The following NLN variants were observed in gnomAD, a reference collection of about 807,000 sequenced individuals.
NLN encodes the protein neurolysin.
A neutral mutation model predicts 79.9 loss-of-function variants in NLN; 64 were observed. The observed-to-expected ratio is 0.80, with a 90% CI of 0.65 to 0.99. NLN has a LOEUF of 0.99. NLN is among the 50% of genes least tolerant of loss of function. NLN has a pLI of 0.00. For missense variants in NLN, 835 were observed against 858.7 expected (o/e 0.97, Z 0.34); for synonymous variants, 267 against 296.6 (o/e 0.90, Z 1.02).
intron 3 of NLN, 105 bp downstream of exon 3, chr5:65,763,213 T>A: frequency 1.0e-6 from 1 of 955,942 alleles, no homozygotes; most frequent in Non-Finnish European, 1.6e-6. Flanking sequence ...AGCTTTTGTT[T>A]CGAATGATTA....
chr5:65,781,801 C>T (rs563961812), intron 6 of NLN, among the ~76,000 whole-genome samples: 5 of 152,288 alleles, frequency 3.3e-5, no homozygotes, highest in Non-Finnish European at 5.9e-5. Flanking sequence ...ATCCAAGTAA[C>T]CATGAGGACC....
At chr5:65,756,566 C>T (rs967061966) in intron 1 of NLN, among the ~76,000 whole-genome samples, 1 of 152,172 alleles carries the variant, frequency 6.6e-6, no homozygotes, top group Non-Finnish European at 1.5e-5. Context: ...TTCTCTAAAA[C>T]ACAAATCTGT....
chr5:65,746,989 G>A (rs1758995091), intron 1 of NLN, among the ~76,000 whole-genome samples: 1 of 150,470 alleles, frequency 6.6e-6, no homozygotes, highest in East Asian at 1.9e-4. Context: ...GGGTGACTGA[G>A]CGAGATTCTG....
At chr5:65,779,058 G>A (rs1174456554) in intron 4 of NLN, among the ~76,000 whole-genome samples, 1 of 152,174 alleles carries the variant, frequency 6.6e-6, no homozygotes, top group Non-Finnish European at 1.5e-5. Flanking sequence ...GCAAAGTGGG[G>A]CAGAGGTAGA....
chr5:65,727,207 C>A (rs1328564859), intron 1 of NLN, among the ~76,000 whole-genome samples: 1 of 152,178 alleles, frequency 6.6e-6, no homozygotes, highest in Non-Finnish European at 1.5e-5. Context: ...ACTCTGTCAT[C>A]CAGGCTGAAG....
chr5:65,782,263 T>A (rs1579946646), intron 6 of NLN, among the ~76,000 whole-genome samples: 1 of 152,202 alleles, frequency 6.6e-6, no homozygotes, highest in South Asian at 2.1e-4. Context: ...GATGACCATA[T>A]CTTGGGGGAC....
rs1423753841 is a variant in NLN at position 65,809,515 on chromosome 5, A to G, written c.1528A>G (p.Thr510Ala). 3 of 1,589,622 alleles carry G rather than the reference A, an allele frequency of 1.9e-6. No individual in the cohort carries two copies. Residue 510 changes from threonine (T) to alanine (A), a missense_variant and splice_region_variant, in exon 10 of 13, where the codon ACT (threonine) becomes GCT (alanine). Physicochemically the swap from Thr to Ala is moderately conservative, Grantham distance 58. Coordinates refer to ENST00000380985, the MANE Select transcript of NLN (RefSeq NM_020726.5). ...GHVMHQICAQ[T>A]DFARFSGTNV... is the part of the protein sequence containing the mutation. ...AAAATTCTCTGTGTTTGCTTTCTAG[A>G]CTGATTTTGCACGATTTAGCGGAAC...
chr5:65,812,190 G>A (rs1314871836), intron 11 of NLN, 65 bp from the exon 12 acceptor site: 4 of 1,416,022 alleles, frequency 2.8e-6, no homozygotes, highest in South Asian at 1.2e-5. Context: ...GGAAACCTTA[G>A]CTAGCTGTTA....
chr5:65,805,453 A>G (rs1440055638), intron 9 of NLN, among the ~76,000 whole-genome samples: 1 of 152,252 alleles, frequency 6.6e-6, no homozygotes, highest in Non-Finnish European at 1.5e-5. Flanking sequence ...AAAGCAAAAT[A>G]GACTTGTTGC....
intron 12 of NLN, among the ~76,000 whole-genome samples, chr5:65,814,767 G>C (rs936524300): frequency 3.3e-5 from 5 of 151,548 alleles, no homozygotes; most frequent in Non-Finnish European, 7.4e-5. Context: ...AAAGAAAAAA[G>C]ACAAAAAAAA....
intron 9 of NLN, among the ~76,000 whole-genome samples, chr5:65,806,675 G>A (rs187890466): frequency 2.0e-4 from 30 of 152,294 alleles, no homozygotes; most frequent in East Asian, 1.5e-3. Context: ...TATGAATATC[G>A]TTGAAATGAC....
At chr5:65,777,958 C>T (rs1179209739) in intron 4 of NLN, among the ~76,000 whole-genome samples, 2 of 152,176 alleles carry the variant, frequency 1.3e-5, no homozygotes, top group Admixed American at 1.3e-4. Context: ...TAAAATTGTT[C>T]TTTAACCTTG....
At chr5:65,751,472 G>T (rs1461786308) in intron 1 of NLN, among the ~76,000 whole-genome samples, 3 of 152,174 alleles carry the variant, frequency 2.0e-5, no homozygotes, top group African/African-American at 7.2e-5. Context: ...GGTTTGTGAT[G>T]AAAGAAATGT....
At chr5:65,784,613 G>T (rs924949437) in intron 6 of NLN, among the ~76,000 whole-genome samples, 27 of 152,148 alleles carry the variant, frequency 1.8e-4, no homozygotes, top group Non-Finnish European at 2.5e-4. Context: ...TAATTCATTG[G>T]TCAATTCCCA....
In NLN at chr5:65,822,817, G is replaced by GGGGGATCTCTGGACGGCAT; in HGVS notation, c.2020_2038dup (p.Asp680GlyfsTer16). The GGGGGATCTCTGGACGGCAT allele has an allele frequency of 6.2e-7, 1 of 1,611,094 alleles. No individual in the cohort carries two copies. Among genetic ancestry groups the GGGGGATCTCTGGACGGCAT allele is most frequent in the Non-Finnish European group, 8.5e-7 (1 of 1,177,238 alleles). On this transcript the variant is annotated frameshift_variant, in exon 13 of 13. Transcript: ENST00000380985. LOFTEE classifies it high-confidence loss of function. ...ATACAGAAACCTAATCCTGAAACCT[G>GGGGGATCTCTGGACGGCAT]GGGGATCTCTGGACGGCATGGACAT...
At chr5:65,726,302 C>A (rs1371249249) in intron 1 of NLN, among the ~76,000 whole-genome samples, 1 of 152,102 alleles carries the variant, frequency 6.6e-6, no homozygotes, top group Non-Finnish European at 1.5e-5. Context: ...AATAAAAATT[C>A]ATACTTTTTA....
chr5:65,769,517 T>C lies in NLN; in HGVS notation c.450+6409T>C, dbSNP rs74368683. Among the ~76,000 whole-genome samples, 1,294 of 152,330 alleles carry C rather than the reference T, an allele frequency of 8.5e-3. 9 individuals carry two copies. The highest frequency in any genetic ancestry group is 0.014 in the Non-Finnish European group (934 of 68,030). ...CAAAACATTTCATGTGCCCCATAAATGTATACACCTACCATATACCCACAA... is the reference window on the plus strand; with the variant it reads ...CAAAACATTTCATGTGCCCCATAAACGTATACACCTACCATATACCCACAA... On this transcript the variant is annotated intron_variant, in intron 3 of 12. Coordinates refer to ENST00000380985, the MANE Select transcript of NLN (RefSeq NM_020726.5).
At chr5:65,817,337 C>G (rs1760691455) in intron 12 of NLN, among the ~76,000 whole-genome samples, 1 of 152,148 alleles carries the variant, frequency 6.6e-6, no homozygotes, top group Non-Finnish European at 1.5e-5. Flanking sequence ...ATACTTTTCA[C>G]TTTTCTAACT....
chr5:65,735,140 C>A (rs944932272), intron 1 of NLN, among the ~76,000 whole-genome samples: 5 of 152,094 alleles, frequency 3.3e-5, no homozygotes, highest in Non-Finnish European at 5.9e-5. Flanking sequence ...GGGGCTTTTT[C>A]CTCTTTGCTC....
Sources: gnomAD v4.1 joint callset for allele counts (sites outside exome capture counted in the v4.1 genomes callset) on GRCh38, gnomAD v4.1.1 for gene constraint, MANE v1.5 for transcripts, NCBI Gene and HGNC (gene_info 2026-07-23, HGNC 2026-07-21) for gene names.